KDM7A: variants seen among roughly 807,000 people sequenced by gnomAD.
KDM7A encodes the protein lysine-specific demethylase 7A.
KDM7A carries 28 observed loss-of-function variants against 114.8 expected under a neutral mutation model. That is an observed-to-expected ratio of 0.24 (90% CI 0.18 to 0.33). The LOEUF is 0.33. KDM7A is among the 10% of genes least tolerant of loss of function. The pLI, the probability that KDM7A is intolerant of heterozygous loss-of-function variation, is 1.00. For missense variants in KDM7A, 942 were observed against 1,142.5 expected (o/e 0.82, Z 2.53); for synonymous variants, 423 against 397.8 (o/e 1.06, Z -0.75).
At chr7:140,122,486 A>C (rs1164821773) in intron 7 of KDM7A, among the ~76,000 whole-genome samples, 1 of 152,168 alleles carries the variant, frequency 6.6e-6, no homozygotes, top group East Asian at 1.9e-4. Flanking sequence ...ACTGTTACTA[A>C]TCTAGGCAAA....
At chr7:140,134,556 A>T (rs1818838317) in intron 2 of KDM7A, among the ~76,000 whole-genome samples, 1 of 152,024 alleles carries the variant, frequency 6.6e-6, no homozygotes, top group African/African-American at 2.4e-5. Context: ...TTCTGTTTTA[A>T]ATCTTTTTTT....
At chr7:140,123,676 G>A (rs973753188) in intron 7 of KDM7A, among the ~76,000 whole-genome samples, 1 of 152,198 alleles carries the variant, frequency 6.6e-6, no homozygotes, top group Non-Finnish European at 1.5e-5. Context: ...GAGCATTTCA[G>A]ATTTTGGACT....
At chr7:140,164,796 G>T (rs1794556182) in intron 1 of KDM7A, among the ~76,000 whole-genome samples, 2 of 152,182 alleles carry the variant, frequency 1.3e-5, no homozygotes. Context: ...AAAGTAGCCA[G>T]GTAAGGGTGT....
At chr7:140,159,400 G>A (rs1439672812) in intron 1 of KDM7A, among the ~76,000 whole-genome samples, 1 of 144,854 alleles carries the variant, frequency 6.9e-6, no homozygotes. Context: ...CGTACAATTG[G>A]CATGCTAACA....
intron 3 of KDM7A, among the ~76,000 whole-genome samples, chr7:140,130,322 G>C (rs994888810): frequency 1.3e-5 from 2 of 152,044 alleles, no homozygotes; most frequent in Admixed American, 1.3e-4. Flanking sequence ...GTGTGCATTA[G>C]AATAAAAACT....
At chr7:140,165,629 C>CTA (rs1295976486) in intron 1 of KDM7A, among the ~76,000 whole-genome samples, 3 of 152,084 alleles carry the variant, frequency 2.0e-5, no homozygotes, top group African/African-American at 7.2e-5. Flanking sequence ...GTGAATCATC[C>CTA]CTCTGTTAGT....
chr7:140,136,972 A>G (rs368792946), intron 2 of KDM7A, among the ~76,000 whole-genome samples: 1 of 151,808 alleles, frequency 6.6e-6, no homozygotes, highest in Admixed American at 6.6e-5. Context: ...GGGCGACAGC[A>G]CAAGACTCCG....
intron 11 of KDM7A, among the ~76,000 whole-genome samples, chr7:140,103,464 C>A (rs111336577): frequency 0.14 from 20,876 of 151,838 alleles, 1,819 homozygotes; most frequent in Middle Eastern, 0.22. Flanking sequence ...CCTCCCCCCC[C>A]CTCCAACCCA....
intron 1 of KDM7A, among the ~76,000 whole-genome samples, chr7:140,144,707 C>CCATA (rs1554400017): frequency 2.3e-5 from 3 of 129,244 alleles, no homozygotes; most frequent in East Asian, 2.3e-4. Flanking sequence ...TCTGTCCCCA[C>CCATA]CATACACACA....
At chr7:140,162,118 C>T (rs1445740072) in intron 1 of KDM7A, among the ~76,000 whole-genome samples, 1 of 152,024 alleles carries the variant, frequency 6.6e-6, no homozygotes, top group African/African-American at 2.4e-5. Context: ...GACGGATCAC[C>T]TGAGGTTGGG....
At chr7:140,099,495 A>C (rs1562945462) in intron 13 of KDM7A, among the ~76,000 whole-genome samples, 1 of 152,170 alleles carries the variant, frequency 6.6e-6, no homozygotes. Flanking sequence ...CACTGAGCTC[A>C]TTACAGATTA....
chr7:140,164,559 T>C (rs1794554055), intron 1 of KDM7A, among the ~76,000 whole-genome samples: 1 of 152,244 alleles, frequency 6.6e-6, no homozygotes, highest in Non-Finnish European at 1.5e-5. Flanking sequence ...ACTAATCACA[T>C]GTGTGAACCT....
chr7:140,119,732 A>T (rs1818588805), intron 8 of KDM7A, among the ~76,000 whole-genome samples: 1 of 152,204 alleles, frequency 6.6e-6, no homozygotes, highest in African/African-American at 2.4e-5. Flanking sequence ...AAGGCTGCTT[A>T]AAGCCTTATG....
chr7:140,175,362 T>C (rs1794690998), intron 1 of KDM7A, among the ~76,000 whole-genome samples: 1 of 152,002 alleles, frequency 6.6e-6, no homozygotes, highest in Non-Finnish European at 1.5e-5. Flanking sequence ...TTCTGTAAAA[T>C]TGGGGAGGGG....
rs1817995029 is a variant in KDM7A at position 140,090,051 on chromosome 7, C to G, written c.*1043G>C. On this transcript the variant is annotated 3_prime_UTR_variant, in exon 20 of 20. Coordinates refer to ENST00000397560, the MANE Select transcript of KDM7A (RefSeq NM_030647.2). ...TATAACCTCTGCAGCAGGTGCCAGTCCTGTTGTCCAACAGCAGCAGTACGA... is the reference window on the plus strand; with the variant it reads ...TATAACCTCTGCAGCAGGTGCCAGTGCTGTTGTCCAACAGCAGCAGTACGA... 1 of 152,114 alleles carries G rather than the reference C, an allele frequency of 6.6e-6. No individual in the cohort carries two copies. The highest frequency in any genetic ancestry group is 1.5e-5 in the Non-Finnish European group (1 of 68,014). The allele number at this position is 152,114 out of a possible 1,614,324, so 9.4% of individuals were successfully genotyped here. A position where few individuals can be genotyped will look rare whatever the true frequency, so the allele number is the denominator to read the frequency against.
At chr7:140,096,479 C>A in intron 17 of KDM7A, 76 bp downstream of exon 17, 1 of 1,154,736 alleles carries the variant, frequency 8.7e-7, no homozygotes, top group South Asian at 1.3e-5. Flanking sequence ...AATCTCTAAC[C>A]TAAATGAGGA....
chr7:140,100,677 T>TACAC lies in KDM7A; in HGVS notation c.1639-655_1639-654insGTGT, dbSNP rs1297071752. ...TTAAAAAGTTATATATATATATATA[T>TACAC]ATACATATATACATATATATATATA... On this transcript the variant is annotated intron_variant, in intron 12 of 19. Coordinates refer to ENST00000397560, the MANE Select transcript of KDM7A (RefSeq NM_030647.2). 7.6e-3 allele frequency among the ~76,000 whole-genome samples: 317 copies of TACAC among 41,442 alleles called. 3 individuals are homozygous for TACAC. Among genetic ancestry groups the TACAC allele is most frequent in the African/African-American group, 0.023 (217 of 9,574 alleles). 27.2% of individuals were successfully genotyped at this position (41,442 alleles called of 152,430 possible).
intron 10 of KDM7A, among the ~76,000 whole-genome samples, chr7:140,111,549 A>T (rs918830531): frequency 6.6e-6 from 1 of 152,260 alleles, no homozygotes; most frequent in Non-Finnish European, 1.5e-5. Context: ...ATTTTTAAGG[A>T]GAACACAGAC....
At chr7:140,174,904 C>A (rs771171668) in intron 1 of KDM7A, among the ~76,000 whole-genome samples, 4 of 152,058 alleles carry the variant, frequency 2.6e-5, no homozygotes, top group Admixed American at 2.0e-4. Flanking sequence ...CGTGAGCCAC[C>A]AAGCCTGGCG....
Sources: gnomAD v4.1 joint callset for allele counts (sites outside exome capture counted in the v4.1 genomes callset) on GRCh38, gnomAD v4.1.1 for gene constraint, MANE v1.5 for transcripts, NCBI Gene and HGNC (gene_info 2026-07-23, HGNC 2026-07-21) for gene names.